The following GLIS3 variants were observed in gnomAD, a reference collection of about 807,000 sequenced individuals.
GLIS3 encodes the protein zinc finger protein GLIS3.
Under a neutral mutation model 78.6 loss-of-function variants are expected in GLIS3, and 53 were observed. That is an observed-to-expected ratio of 0.67 (90% CI 0.54 to 0.85). The LOEUF (loss-of-function observed/expected upper bound fraction) is 0.85. GLIS3 is among the 40% of genes least tolerant of loss of function. The pLI is 0.00. For missense variants in GLIS3, 1,703 were observed against 1,231.1 expected (o/e 1.38, Z -5.74); for synonymous variants, 684 against 509.9 (o/e 1.34, Z -4.60).
At chr9:4,108,167 C>T (rs1385779355) in intron 4 of GLIS3, among the ~76,000 whole-genome samples, 1 of 152,170 alleles carries the variant, frequency 6.6e-6, no homozygotes, top group Non-Finnish European at 1.5e-5. Context: ...GTAACATAGT[C>T]ACTTTCTTTC....
chr9:4,339,731 T>C (rs796102006), intron 2 of GLIS3, among the ~76,000 whole-genome samples: 3 of 100,744 alleles, frequency 3.0e-5, no homozygotes, highest in Admixed American at 2.3e-4. Context: ...TTTGGGAAGT[T>C]TGGTACAAAA....
chr9:4,076,307 GAA>G (rs1828050123), intron 4 of GLIS3, among the ~76,000 whole-genome samples: 1 of 152,034 alleles, frequency 6.6e-6, no homozygotes, highest in Non-Finnish European at 1.5e-5. Flanking sequence ...AAAAGAAAAA[GAA>G]TGCCATCTTA....
chr9:4,018,027 A>G (rs545603441), intron 4 of GLIS3, among the ~76,000 whole-genome samples: 3 of 152,224 alleles, frequency 2.0e-5, no homozygotes, highest in Non-Finnish European at 4.4e-5. Context: ...CTAATAAAAC[A>G]CAACTACATC....
At chr9:4,458,926 A>G in the GLIS3 span, among the ~76,000 whole-genome samples, 6 of 152,338 alleles carry the variant, frequency 3.9e-5, no homozygotes, top group Admixed American at 3.9e-4. Context: ...CTAGAGCAGA[A>G]GTGGGTGACA....
chr9:4,452,885 AG>A, the GLIS3 span, among the ~76,000 whole-genome samples: 1 of 152,216 alleles, frequency 6.6e-6, no homozygotes, highest in African/African-American at 2.4e-5. Flanking sequence ...ACAAAGCTGG[AG>A]ACATCATGCT....
At chr9:3,974,369 G>A (rs909342264) in intron 4 of GLIS3, among the ~76,000 whole-genome samples, 1 of 152,174 alleles carries the variant, frequency 6.6e-6, no homozygotes, top group African/African-American at 2.4e-5. Flanking sequence ...CAGTGGGGTT[G>A]TGTTTCTGAT....
chr9:3,959,199 T>C (rs1226661508), intron 4 of GLIS3, among the ~76,000 whole-genome samples: 1 of 152,192 alleles, frequency 6.6e-6, no homozygotes, highest in Non-Finnish European at 1.5e-5. Context: ...ATGGGATTAA[T>C]GCCCATATAG....
intron 2 of GLIS3, among the ~76,000 whole-genome samples, chr9:4,217,815 CA>C (rs1266377535): frequency 1.3e-5 from 2 of 152,142 alleles, no homozygotes; most frequent in African/African-American, 2.4e-5. Flanking sequence ...TTAAAACAAA[CA>C]AAGGGATTTC....
At chr9:3,913,939 A>G (rs1030037675) in intron 6 of GLIS3, among the ~76,000 whole-genome samples, 2 of 152,218 alleles carry the variant, frequency 1.3e-5, no homozygotes, top group Admixed American at 6.5e-5. Context: ...AAATGAGCCA[A>G]TGGCTGCTGA....
At chr9:4,242,713 A>G (rs72691864) in intron 2 of GLIS3, among the ~76,000 whole-genome samples, 2,692 of 152,304 alleles carry the variant, frequency 0.018, 42 homozygotes, top group Middle Eastern at 0.041. Flanking sequence ...AGCTAGTAGG[A>G]ACAGAGGTGT....
At chr9:4,414,345 G>A in the GLIS3 span, among the ~76,000 whole-genome samples, 30 of 152,204 alleles carry the variant, frequency 2.0e-4, no homozygotes, top group East Asian at 4.1e-3. Flanking sequence ...CAGAGAAACC[G>A]TAACTCAATG....
intron 6 of GLIS3, among the ~76,000 whole-genome samples, chr9:3,910,992 G>C (rs189393324): frequency 1.1e-3 from 164 of 152,252 alleles, no homozygotes; most frequent in African/African-American, 3.7e-3. Flanking sequence ...TGTCTGACCA[G>C]GACAGAATAA....
At chr9:4,205,552 G>A (rs1191606677) in intron 2 of GLIS3, among the ~76,000 whole-genome samples, 1 of 152,204 alleles carries the variant, frequency 6.6e-6, no homozygotes, top group Non-Finnish European at 1.5e-5. Flanking sequence ...CTATAAGAGA[G>A]GAAAGTCTAG....
At chr9:3,951,627 C>G (rs1248510449) in intron 4 of GLIS3, among the ~76,000 whole-genome samples, 1 of 151,798 alleles carries the variant, frequency 6.6e-6, no homozygotes, top group Non-Finnish European at 1.5e-5. Flanking sequence ...AAGGGACCGA[C>G]CGGTCCTCCT....
At chr9:4,229,440 A>G (rs928548021) in intron 2 of GLIS3, among the ~76,000 whole-genome samples, 2 of 152,226 alleles carry the variant, frequency 1.3e-5, no homozygotes, top group African/African-American at 2.4e-5. Flanking sequence ...TGAGCAAAAG[A>G]GCACAACCTA....
intron 2 of GLIS3, among the ~76,000 whole-genome samples, chr9:4,162,644 G>A (rs1186629198): frequency 6.6e-6 from 1 of 151,926 alleles, no homozygotes; most frequent in African/African-American, 2.4e-5. Context: ...CAGATCACGA[G>A]GTCAGATCGA....
intron 2 of GLIS3, among the ~76,000 whole-genome samples, chr9:4,232,197 G>C (rs1291272233): frequency 1.3e-5 from 2 of 152,086 alleles, no homozygotes; most frequent in Admixed American, 6.5e-5. Context: ...AAGCAACATA[G>C]CAAGATTCTG....
chr9:4,181,334 C>G (rs137861054), intron 2 of GLIS3, among the ~76,000 whole-genome samples: 43 of 152,328 alleles, frequency 2.8e-4, no homozygotes, highest in Middle Eastern at 6.8e-3. Flanking sequence ...CAGACCCATC[C>G]CAGCCACTTG....
chr9:3,959,713 C>T (rs1436652438), intron 4 of GLIS3, among the ~76,000 whole-genome samples: 1 of 152,174 alleles, frequency 6.6e-6, no homozygotes, highest in Non-Finnish European at 1.5e-5. Context: ...ACATTTCTTC[C>T]CCTAGAGTCT....
Sources: gnomAD v4.1 joint callset for allele counts (sites outside exome capture counted in the v4.1 genomes callset) on GRCh38, gnomAD v4.1.1 for gene constraint, MANE v1.5 for transcripts, NCBI Gene and HGNC (gene_info 2026-07-23, HGNC 2026-07-21) for gene names.